The following ST6GALNAC5 variants were observed in gnomAD, a reference collection of about 807,000 sequenced individuals.
ST6GALNAC5 encodes the protein alpha-N-acetylgalactosaminide alpha-2,6-sialyltransferase 5.
Under a neutral mutation model 33.6 loss-of-function variants are expected in ST6GALNAC5, and 27 were observed. The observed-to-expected ratio is 0.80, with a 90% CI of 0.59 to 1.11. The LOEUF is 1.11. Ranked by LOEUF, ST6GALNAC5 falls within the 50% of genes least tolerant of loss-of-function variation. The pLI, the probability that ST6GALNAC5 is intolerant of heterozygous loss-of-function variation, is 0.00. For synonymous variants in ST6GALNAC5, 194 were observed against 171.2 expected (o/e 1.13, Z -1.04); for missense variants, 428 against 454.0 (o/e 0.94, Z 0.52).
intron 2 of ST6GALNAC5, among the ~76,000 whole-genome samples, chr1:77,023,776 T>C (rs1651137663): frequency 6.6e-6 from 1 of 152,056 alleles, no homozygotes; most frequent in African/African-American, 2.4e-5. Flanking sequence ...AGGGGCCTGG[T>C]AGAACTGGGT....
chr1:76,997,316 G>A (rs1649977125), intron 2 of ST6GALNAC5, among the ~76,000 whole-genome samples: 1 of 152,134 alleles, frequency 6.6e-6, no homozygotes, highest in African/African-American at 2.4e-5. Context: ...AAGACTGTTA[G>A]GAACAATGGT....
intron 2 of ST6GALNAC5, among the ~76,000 whole-genome samples, chr1:76,981,550 G>A (rs1270608358): frequency 6.6e-6 from 1 of 152,232 alleles, no homozygotes; most frequent in Non-Finnish European, 1.5e-5. Context: ...CTCCACCTCT[G>A]TGGGCAGGGC....
chr1:76,893,579 C>A (rs1654057993), intron 2 of ST6GALNAC5, among the ~76,000 whole-genome samples: 1 of 152,182 alleles, frequency 6.6e-6, no homozygotes. Flanking sequence ...CAATTTAGCA[C>A]AATTCCCAGC....
chr1:76,992,137 T>C (rs1287875640), intron 2 of ST6GALNAC5, among the ~76,000 whole-genome samples: 1 of 152,110 alleles, frequency 6.6e-6, no homozygotes, highest in East Asian at 1.9e-4. Context: ...GGTTATAAAT[T>C]CATGGTTAAG....
chr1:77,058,185 C>A (rs542409798), intron 4 of ST6GALNAC5, among the ~76,000 whole-genome samples: 1 of 152,366 alleles, frequency 6.6e-6, no homozygotes, highest in East Asian at 1.9e-4. Context: ...AGTCAACTGG[C>A]TTTGGTCCAA....
In ST6GALNAC5 at chr1:77,027,021, G is replaced by A. The variant is rs142831492; in HGVS notation, c.262-17183G>A. ...CTCCCCCAGGTTGATGGGAGTCTGG[G>A]AGAGGTGGTGCTGACAAGAGAGTTT... On this transcript the variant is annotated intron_variant, in intron 2 of 4. Coordinates refer to ENST00000477717, the MANE Select transcript of ST6GALNAC5 (RefSeq NM_030965.3). 7.2e-4 allele frequency among the ~76,000 whole-genome samples: 110 copies of A among 152,286 alleles called. No homozygotes were observed. The East Asian group carries it at 0.01, about 14-fold the overall frequency.
intron 2 of ST6GALNAC5, among the ~76,000 whole-genome samples, chr1:76,952,300 A>G (rs1647780994): frequency 6.6e-6 from 1 of 152,088 alleles, no homozygotes; most frequent in Non-Finnish European, 1.5e-5. Flanking sequence ...TGCACTGAAT[A>G]TGTGCGTGTA....
intron 2 of ST6GALNAC5, among the ~76,000 whole-genome samples, chr1:76,952,008 T>C (rs183240847): frequency 2.0e-5 from 3 of 152,266 alleles, no homozygotes; most frequent in Admixed American, 2.0e-4. Flanking sequence ...ATAACAGTTT[T>C]CAAATAATAG....
At chr1:77,000,758 C>G (rs1020113672) in intron 2 of ST6GALNAC5, among the ~76,000 whole-genome samples, 6 of 151,268 alleles carry the variant, frequency 4.0e-5, no homozygotes, top group East Asian at 1.9e-4. Context: ...AATCCTTTCC[C>G]CATTGCTTGT....
intron 2 of ST6GALNAC5, among the ~76,000 whole-genome samples, chr1:76,957,164 TCA>T (rs951457980): frequency 5.3e-5 from 8 of 152,184 alleles, no homozygotes; most frequent in African/African-American, 1.9e-4. Context: ...ATGTATTGTC[TCA>T]CAGTTCTGGA....
intron 2 of ST6GALNAC5, among the ~76,000 whole-genome samples, chr1:77,026,162 A>G (rs371843070): frequency 1.3e-5 from 2 of 152,084 alleles, no homozygotes; most frequent in Non-Finnish European, 2.9e-5. Flanking sequence ...AAGGTCATGC[A>G]TGCTATCTTT....
At chr1:76,986,884 G>A (rs905909534) in intron 2 of ST6GALNAC5, among the ~76,000 whole-genome samples, 26 of 152,112 alleles carry the variant, frequency 1.7e-4, no homozygotes, top group African/African-American at 6.0e-4. Context: ...GGATGTGACT[G>A]GAAACCATCA....
At chr1:76,968,308 G>T (rs1037652293) in intron 2 of ST6GALNAC5, among the ~76,000 whole-genome samples, 5 of 152,142 alleles carry the variant, frequency 3.3e-5, no homozygotes, top group African/African-American at 1.2e-4. Context: ...AGCTCTTCTT[G>T]TTGAATTGAT....
At position 77,061,203 on chromosome 1, in the gene ST6GALNAC5, A is replaced by G. The variant is rs528352705; in HGVS notation, c.780-1772A>G. Reference sequence around the variant, plus strand: ...TCCAAGACGGGCATATTAGAGATGCAAAGTGTTAATTCAGCATAGCATCCA... The same window carrying G: ...TCCAAGACGGGCATATTAGAGATGCGAAGTGTTAATTCAGCATAGCATCCA... On this transcript the variant is annotated intron_variant, in intron 4 of 4. Transcript: ENST00000477717. 7.9e-5 allele frequency among the ~76,000 whole-genome samples: 12 copies of G among 152,346 alleles called. No homozygotes were observed. In the South Asian group the frequency reaches 2.3e-3, roughly 29 times the overall value.
chr1:77,021,879 C>T (rs1029754889), intron 2 of ST6GALNAC5, among the ~76,000 whole-genome samples: 11 of 152,292 alleles, frequency 7.2e-5, no homozygotes, highest in Middle Eastern at 3.4e-3. Flanking sequence ...AAGGTTGCAC[C>T]TCACACACAT....
At chr1:76,910,882 A>G (rs1041870030) in intron 2 of ST6GALNAC5, among the ~76,000 whole-genome samples, 1 of 144,216 alleles carries the variant, frequency 6.9e-6, no homozygotes, top group Non-Finnish European at 1.5e-5. Flanking sequence ...GGTCAAGGCA[A>G]AAAAAAAAAG....
intron 2 of ST6GALNAC5, among the ~76,000 whole-genome samples, chr1:76,923,345 G>A (rs759779552): frequency 6.6e-6 from 1 of 152,092 alleles, no homozygotes; most frequent in Non-Finnish European, 1.5e-5. Flanking sequence ...CCATTGGACG[G>A]GGTTTGGAAC....
chr1:76,953,146 T>G (rs1174219339), intron 2 of ST6GALNAC5, among the ~76,000 whole-genome samples: 3 of 152,154 alleles, frequency 2.0e-5, no homozygotes, highest in African/African-American at 7.2e-5. Flanking sequence ...GCCATAGACA[T>G]TTGTGTATTT....
rs1851439 is a variant in ST6GALNAC5 at position 76,872,117 on chromosome 1, A to C, written c.261+3375A>C. Among the ~76,000 whole-genome samples the C allele has an allele frequency of 4.8e-5, 6 of 125,924 alleles. No homozygotes were observed. The South Asian group carries it at 7.4e-4, about 15-fold the overall frequency. The allele number at this position is 125,924 out of a possible 152,430, so 82.6% of individuals were successfully genotyped here. A position where few individuals can be genotyped will look rare whatever the true frequency, so the allele number is the denominator to read the frequency against. ...CACACACACACACACACACACACACACCACACACATTAAATCAAGAAATAC... is the reference window on the plus strand; with the variant it reads ...CACACACACACACACACACACACACCCCACACACATTAAATCAAGAAATAC... On this transcript the variant is annotated intron_variant, in intron 2 of 4. Coordinates refer to ENST00000477717, the MANE Select transcript of ST6GALNAC5 (RefSeq NM_030965.3).
Sources: allele counts gnomAD v4.1 joint callset (sites outside exome capture counted in the v4.1 genomes callset), GRCh38; gene constraint gnomAD v4.1.1; transcripts MANE v1.5; gene names NCBI Gene and HGNC (gene_info 2026-07-23, HGNC 2026-07-21).